Variants in SGMS1 observed in about 807,000 individuals in gnomAD.
SGMS1 encodes the protein sphingomyelin synthase 1, also known as phosphatidylcholine:ceramide cholinephosphotransferase 1.
Under a neutral mutation model 46.2 loss-of-function variants are expected in SGMS1, and 13 were observed. The ratio of observed to expected loss-of-function variants is 0.28; its 90% CI spans 0.18 to 0.45. SGMS1 has a LOEUF of 0.45. SGMS1 is among the 20% of genes least tolerant of loss of function. The pLI is 1.00. For synonymous variants in SGMS1, 203 were observed against 187.8 expected, an observed-to-expected ratio of 1.08 and a Z score of -0.66; for missense variants, 324 against 519.9, an observed-to-expected ratio of 0.62 and a Z score of 3.66.
chr10:50,452,193 G>C (rs990322176), intron 5 of SGMS1, among the ~76,000 whole-genome samples: 1 of 151,940 alleles, frequency 6.6e-6, no homozygotes, highest in African/African-American at 2.4e-5. Flanking sequence ...ACAATCAAAT[G>C]GACAAAAATA....
At chr10:50,604,830 A>C (rs1838680935) in intron 1 of SGMS1, among the ~76,000 whole-genome samples, 1 of 136,620 alleles carries the variant, frequency 7.3e-6, no homozygotes, top group Non-Finnish European at 1.6e-5. Flanking sequence ...AGACTCCAAA[A>C]AAATGACTAA....
intron 3 of SGMS1, among the ~76,000 whole-genome samples, chr10:50,500,367 T>G (rs1837652195): frequency 6.6e-6 from 1 of 152,042 alleles, no homozygotes; most frequent in South Asian, 2.1e-4. Context: ...TAAATTACAG[T>G]AAAATATAAA....
At chr10:50,569,151 G>A (rs536719354) in intron 2 of SGMS1, among the ~76,000 whole-genome samples, 3 of 151,864 alleles carry the variant, frequency 2.0e-5, no homozygotes, top group Non-Finnish European at 4.4e-5. Context: ...GGGGCCTGTC[G>A]GGGGGTGGGA....
chr10:50,480,900 T>C (rs563256534), intron 3 of SGMS1, among the ~76,000 whole-genome samples: 1 of 152,062 alleles, frequency 6.6e-6, no homozygotes, highest in Non-Finnish European at 1.5e-5. Context: ...TGGCAGATCA[T>C]GGCCAGACTG....
At chr10:50,522,734 A>G (rs1375843017) in intron 2 of SGMS1, among the ~76,000 whole-genome samples, 1 of 151,840 alleles carries the variant, frequency 6.6e-6, no homozygotes, top group African/African-American at 2.4e-5. Flanking sequence ...TGATGTCTCA[A>G]CAGAATGGCT....
intron 5 of SGMS1, among the ~76,000 whole-genome samples, chr10:50,458,007 C>T (rs1837214136): frequency 6.6e-6 from 1 of 152,144 alleles, no homozygotes; most frequent in Non-Finnish European, 1.5e-5. Context: ...ATGGTAAGCA[C>T]TGGGTGGGAA....
intron 6 of SGMS1, among the ~76,000 whole-genome samples, chr10:50,390,548 G>T (rs1163140468): frequency 1.3e-5 from 2 of 152,168 alleles, no homozygotes; most frequent in Non-Finnish European, 2.9e-5. Flanking sequence ...TGGAACAGGA[G>T]GATGGCTTGA....
chr10:50,461,751 C>A (rs946784813), intron 4 of SGMS1, among the ~76,000 whole-genome samples: 4 of 152,162 alleles, frequency 2.6e-5, no homozygotes, highest in African/African-American at 9.7e-5. Context: ...AGCCAACTAA[C>A]AGGCTTAATT....
At position 50,606,851 on chromosome 10, in the gene SGMS1, G is replaced by A. The variant is rs149027002; in HGVS notation, c.-683-16604C>T. ...TCAAATGTCGGTGAACATTCCAGAT[G>A]TATCCTAGAATCTCCTGCATCCATC... On this transcript the variant is annotated intron_variant, in intron 1 of 10. Transcript: ENST00000361781. Among the ~76,000 whole-genome samples the A allele has an allele frequency of 3.0e-3, 460 of 152,218 alleles. 6 individuals are homozygous for A. The highest frequency in any genetic ancestry group is 0.024 in the Admixed American group (370 of 15,290).
chr10:50,564,599 T>C (rs896031699), intron 2 of SGMS1, among the ~76,000 whole-genome samples: 1 of 152,160 alleles, frequency 6.6e-6, no homozygotes, highest in Non-Finnish European at 1.5e-5. Flanking sequence ...GCAACTCAAA[T>C]GTAGTGGTAG....
In SGMS1 at chr10:50,519,831, C is replaced by T. The variant is rs1175297770; in HGVS notation, c.-498G>A. ...GGGTGAAATGCTGATTCTGACTTACCTGTATTTTATTACACACCCTCTGCT... is the reference window on the plus strand; with the variant it reads ...GGGTGAAATGCTGATTCTGACTTACTTGTATTTTATTACACACCCTCTGCT... On this transcript the variant is annotated splice_region_variant and 5_prime_UTR_variant, in exon 3 of 11. Coordinates refer to ENST00000361781, the MANE Select transcript of SGMS1 (RefSeq NM_147156.4). The T allele has an allele frequency of 6.6e-6, 1 of 152,292 alleles. No individual in the cohort carries two copies. Among genetic ancestry groups the T allele is most frequent in the East Asian group, 1.9e-4 (1 of 5,332 alleles). 9.4% of individuals were successfully genotyped at this position (152,292 alleles called of 1,614,324 possible). A position where few individuals can be genotyped will look rare whatever the true frequency, so the allele number is the denominator to read the frequency against.
chr10:50,354,617 T>G (rs917697184), intron 6 of SGMS1, among the ~76,000 whole-genome samples: 44 of 152,160 alleles, frequency 2.9e-4, no homozygotes, highest in African/African-American at 1.0e-3. Context: ...AAAGAGCTTC[T>G]GCACAGCAAA....
intron 3 of SGMS1, among the ~76,000 whole-genome samples, chr10:50,501,218 T>G (rs937745918): frequency 2.6e-5 from 4 of 152,088 alleles, no homozygotes; most frequent in Non-Finnish European, 5.9e-5. Flanking sequence ...TGGAGTAAAT[T>G]CTCATTCTTT....
chr10:50,415,997 C>T (rs1849164334), intron 6 of SGMS1, among the ~76,000 whole-genome samples: 1 of 152,116 alleles, frequency 6.6e-6, no homozygotes, highest in African/African-American at 2.4e-5. Context: ...CGGAGTTCAG[C>T]AACACTAAGG....
intron 1 of SGMS1, among the ~76,000 whole-genome samples, chr10:50,597,868 C>T (rs1204960884): frequency 1.3e-5 from 2 of 151,884 alleles, no homozygotes; most frequent in African/African-American, 4.8e-5. Flanking sequence ...CAAAATTAGC[C>T]AGGCTTGGTG....
Position 50,308,144 on chromosome 10 carries a change from G to C in SGMS1, c.900C>G (p.Ser300=). 6.2e-7 allele frequency: 1 copy of C among 1,612,728 alleles called. No homozygotes were observed. Among genetic ancestry groups the C allele is most frequent in the Non-Finnish European group, 8.5e-7 (1 of 1,179,334 alleles). The change falls in exon 10 of 11, where the codon TCC becomes TCG. Residue 300 remains serine, a synonymous_variant. Coordinates refer to ENST00000361781, the MANE Select transcript of SGMS1 (RefSeq NM_147156.4). ...TLTYLFIKEY[S]PRRLWWYHWI... ...AGTGATACCACCAGAGTCGCCGAGG[G>C]GAATCTGAAAGGGGGAGAGATTTGC... is the stretch of plus-strand genomic sequence containing the variant.
chr10:50,330,246 G>T (rs1847598610), intron 7 of SGMS1, among the ~76,000 whole-genome samples: 1 of 152,010 alleles, frequency 6.6e-6, no homozygotes, highest in African/African-American at 2.4e-5. Context: ...TTGAGCCCAG[G>T]AGTTCAAGAT....
chr10:50,338,116 C>T (rs905744949), intron 7 of SGMS1, among the ~76,000 whole-genome samples: 1 of 152,148 alleles, frequency 6.6e-6, no homozygotes, highest in African/African-American at 2.4e-5. Flanking sequence ...ACTTCCTTCC[C>T]TTTTGGCATG....
chr10:50,465,348 A>C (rs891073157), intron 4 of SGMS1, among the ~76,000 whole-genome samples: 4 of 152,194 alleles, frequency 2.6e-5, no homozygotes, highest in Non-Finnish European at 5.9e-5. Context: ...ATCAGGGATC[A>C]AAACAAGAAG....
Sources: allele counts gnomAD v4.1 joint callset (sites outside exome capture counted in the v4.1 genomes callset), GRCh38; gene constraint gnomAD v4.1.1; transcripts MANE v1.5; gene names NCBI Gene and HGNC (gene_info 2026-07-23, HGNC 2026-07-21).